Variants in WT1 observed in about 807,000 individuals in gnomAD.
WT1 encodes the protein WT1 transcription factor.
Under a neutral mutation model 60.8 loss-of-function variants are expected in WT1, and 8 were observed. That is an observed-to-expected ratio of 0.13 (90% confidence interval 0.08 to 0.24). WT1 has a LOEUF of 0.24. Among genes scored for constraint, WT1 ranks in the 10% least tolerant of loss-of-function variants. The pLI, the probability that WT1 is intolerant of heterozygous loss-of-function variation, is 1.00. For synonymous variants in WT1, 312 were observed against 297.1 expected, an observed-to-expected ratio of 1.05 and a Z score of -0.52; for missense variants, 568 against 711.8, an observed-to-expected ratio of 0.80 and a Z score of 2.30.
At chr11:32,430,600 G>T in intron 1 of WT1, 5 of 1,586,900 alleles carry the variant, frequency 3.2e-6, no homozygotes, top group African/African-American at 1.3e-5. Context: ...GCCCTGCTCC[G>T]CAACTGTCCG....
intron 5 of WT1, among the ~76,000 whole-genome samples, chr11:32,409,715 A>C (rs999835241): frequency 6.6e-6 from 1 of 151,882 alleles, no homozygotes; most frequent in African/African-American, 2.4e-5. Context: ...CAAAGTGCTG[A>C]GATTACAAGC....
Position 32,434,713 on chromosome 11 carries a change from A to G in WT1, c.648T>C (p.Ala216=). 1.2e-6 allele frequency: 2 copies of G among 1,612,976 alleles called. No individual in the cohort carries two copies. Among genetic ancestry groups the G allele is most frequent in the Non-Finnish European group, 1.7e-6 (2 of 1,179,942 alleles). Reference sequence around the variant, plus strand: ...CGGCCTACTTACCCTGATTGCGAATAGCGGGCTGGCTCTCGAGGCAGCTGG... The same window carrying G: ...CGGCCTACTTACCCTGATTGCGAATGGCGGGCTGGCTCTCGAGGCAGCTGG... Residue 216 remains alanine (A), a synonymous_variant, in exon 1 of 10, where the codon GCT becomes GCC. Coordinates refer to ENST00000452863, the MANE Select transcript of WT1 (RefSeq NM_024426.6).
intron 3 of WT1, among the ~76,000 whole-genome samples, chr11:32,426,200 G>A (rs572477362): frequency 4.1e-4 from 62 of 152,208 alleles, no homozygotes; most frequent in African/African-American, 1.5e-3. Flanking sequence ...TATCGACAGT[G>A]CCCACTCCCG....
intron 1 of WT1, among the ~76,000 whole-genome samples, chr11:32,432,130 T>C (rs774659158): frequency 2.1e-4 from 32 of 152,232 alleles, no homozygotes; most frequent in Middle Eastern, 3.2e-3. Context: ...ATATAATATT[T>C]AAGAATTTAA....
In WT1 at chr11:32,430,491, A is replaced by AGAGG. The variant is rs757737927; in HGVS notation, c.662-1873_662-1872insCCTC. 5.8e-5 allele frequency: 90 copies of AGAGG among 1,561,526 alleles called. No individual in the cohort carries two copies. In the African/African-American group the frequency reaches 1.2e-3, roughly 21 times the overall value. On this transcript the variant is annotated intron_variant, in intron 1 of 9. Transcript: ENST00000452863. ...GAGAGAGAGAGAGAGAGAGAGAGAG[A>AGAGG]CGAAATAGAAGCTACGAAGAAGTTT...
chr11:32,395,924 C>CTA (rs1355859510), intron 7 of WT1, among the ~76,000 whole-genome samples: 3 of 152,188 alleles, frequency 2.0e-5, no homozygotes, highest in African/African-American at 7.2e-5. Context: ...CATCTGATGA[C>CTA]TATATTCCCA....
Position 32,399,863 on chromosome 11 carries a change from A to G in WT1, c.1113+85T>C, listed in dbSNP as rs987429414. ...GAAGAAGAGGCTGCCAGGGCCAAAG[A>G]GTCCATCAGTAAGGAACTAAAGGGC... On this transcript the variant is annotated intron_variant, in intron 6 of 9. Coordinates refer to ENST00000452863, the MANE Select transcript of WT1 (RefSeq NM_024426.6). The G allele has an allele frequency of 1.5e-5, 22 of 1,427,740 alleles. No homozygotes were observed. In the Admixed American group the frequency reaches 3.5e-4, roughly 23 times the overall value. 88.4% of individuals were successfully genotyped at this position (1,427,740 alleles called of 1,614,324 possible). A position where few individuals can be genotyped will look rare whatever the true frequency, so the allele number is the denominator to read the frequency against.
chr11:32,420,618 C>A (rs574664553), intron 3 of WT1, among the ~76,000 whole-genome samples: 2 of 152,046 alleles, frequency 1.3e-5, no homozygotes, highest in Non-Finnish European at 2.9e-5. Context: ...CCTGAGCCCC[C>A]ACCCTCACTC....
intron 7 of WT1, among the ~76,000 whole-genome samples, chr11:32,394,097 T>G (rs1590334944): frequency 6.6e-6 from 1 of 152,284 alleles, no homozygotes; most frequent in East Asian, 1.9e-4. Flanking sequence ...AGGGTCTCAC[T>G]ATATTGCCCA....
chr11:32,405,108 A>G (rs1475723586), intron 5 of WT1, among the ~76,000 whole-genome samples: 3 of 152,180 alleles, frequency 2.0e-5, no homozygotes, highest in Non-Finnish European at 4.4e-5. Context: ...AAATATTCCT[A>G]TAGGGGCCAA....
At chr11:32,412,370 A>T (rs1852527940) in intron 5 of WT1, among the ~76,000 whole-genome samples, 1 of 152,132 alleles carries the variant, frequency 6.6e-6, no homozygotes, top group African/African-American at 2.4e-5. Flanking sequence ...GCAAAGGGAC[A>T]TTCATTTTGC....
Position 32,388,956 on chromosome 11 carries a change from A to G in WT1, c.*102T>C. The G allele has an allele frequency of 6.3e-7, 1 of 1,592,390 alleles. No homozygotes were observed. The highest frequency in any genetic ancestry group is 8.6e-7 in the Non-Finnish European group (1 of 1,166,744). ...CTTGGAAGTTGGATGAAGAAGATCA[A>G]CTGAAGTTTCCTTTTTAGTGAGGAG... On this transcript the variant is annotated 3_prime_UTR_variant, in exon 10 of 10. Coordinates refer to ENST00000452863, the MANE Select transcript of WT1 (RefSeq NM_024426.6).
At chr11:32,427,197 C>T (rs1297143350) in intron 3 of WT1, among the ~76,000 whole-genome samples, 1 of 152,232 alleles carries the variant, frequency 6.6e-6, no homozygotes, top group Non-Finnish European at 1.5e-5. Context: ...GCCGCAGTTA[C>T]TAGGCAACCC....
At chr11:32,406,860 A>T (rs1287897325) in intron 5 of WT1, among the ~76,000 whole-genome samples, 1 of 152,108 alleles carries the variant, frequency 6.6e-6, no homozygotes, top group Non-Finnish European at 1.5e-5. Context: ...GCACTTTGGG[A>T]GGCCGAGGTG....
intron 7 of WT1, among the ~76,000 whole-genome samples, chr11:32,393,590 A>G (rs1851880634): frequency 6.6e-6 from 1 of 152,226 alleles, no homozygotes; most frequent in South Asian, 2.1e-4. Flanking sequence ...TTACCTTTCC[A>G]ATCTCAAAGC....
intron 5 of WT1, among the ~76,000 whole-genome samples, chr11:32,403,528 G>C (rs1852217827): frequency 6.7e-6 from 1 of 149,906 alleles, no homozygotes; most frequent in African/African-American, 2.5e-5. Context: ...GCTGAAATCT[G>C]TCTTCTCATT....
At position 32,389,028 on chromosome 11, in the gene WT1, G is replaced by A. The variant is rs774104210; in HGVS notation, c.*30C>T. 1.9e-6 allele frequency: 3 copies of A among 1,614,058 alleles called. No individual in the cohort carries two copies. The highest frequency in any genetic ancestry group is 1.1e-5 in the South Asian group (1 of 91,064). On this transcript the variant is annotated 3_prime_UTR_variant, in exon 10 of 10. Transcript: ENST00000452863. ...AGCAGTTCACACACTGTGCTGCCTG[G>A]GACACTGAACGGTCCCCGAGGGAGA...
intron 3 of WT1, among the ~76,000 whole-genome samples, chr11:32,426,014 T>C (rs1488586689): frequency 6.6e-6 from 1 of 152,138 alleles, no homozygotes; most frequent in East Asian, 1.9e-4. Flanking sequence ...TAATGATCGC[T>C]TTTTCCTGGA....
At chr11:32,391,487 T>C (rs974905368) in intron 9 of WT1, among the ~76,000 whole-genome samples, 1 of 152,180 alleles carries the variant, frequency 6.6e-6, no homozygotes, top group African/African-American at 2.4e-5. Flanking sequence ...GGAAATAATA[T>C]CCACACACTG....
Sources: gnomAD v4.1 joint callset for allele counts (sites outside exome capture counted in the v4.1 genomes callset) on GRCh38, gnomAD v4.1.1 for gene constraint, MANE v1.5 for transcripts, NCBI Gene and HGNC (gene_info 2026-07-23, HGNC 2026-07-21) for gene names.